The following HSF2BP variants were observed in gnomAD, a reference collection of about 807,000 sequenced individuals.
The protein encoded by HSF2BP is heat shock transcription factor 2 binding protein.
HSF2BP carries 35 observed loss-of-function variants against 35.0 expected under a neutral mutation model. The ratio of observed to expected loss-of-function variants is 1.00; its 90% CI spans 0.76 to 1.32. HSF2BP has a LOEUF of 1.32. HSF2BP is among the 40% of genes most tolerant of loss of function. The pLI, the probability that HSF2BP is intolerant of heterozygous loss-of-function variation, is 0.00. For synonymous variants in HSF2BP, 114 were observed against 117.4 expected, an observed-to-expected ratio of 0.97 and a Z score of 0.18; for missense variants, 326 against 321.7, an observed-to-expected ratio of 1.01 and a Z score of -0.10.
chr21:43,633,250 A>C, intron 5 of HSF2BP, 22 bp downstream of exon 5: 1 of 1,601,664 alleles, frequency 6.2e-7, no homozygotes, highest in Non-Finnish European at 8.5e-7. Flanking sequence ...CAATATCTGG[A>C]GAGCCCACTG....
intron 7 of HSF2BP, among the ~76,000 whole-genome samples, chr21:43,612,092 AC>A (rs2146911516): frequency 1.3e-5 from 2 of 152,308 alleles, no homozygotes; most frequent in African/African-American, 4.8e-5. Flanking sequence ...ACAGGACGAC[AC>A]ACTGAAACCA....
In HSF2BP at chr21:43,613,842, G is replaced by A. The variant is rs1282504311; in HGVS notation, c.680C>T (p.Thr227Ile). The A allele has an allele frequency of 5.0e-6, 8 of 1,610,380 alleles. No homozygotes were observed. The highest frequency in any genetic ancestry group is 6.8e-6 in the Non-Finnish European group (8 of 1,176,854). Residue 227 changes from threonine to isoleucine, a missense_variant, in exon 7 of 9, where the codon ACC (threonine) becomes ATC (isoleucine). Thr to Ile is a moderately conservative substitution (Grantham distance 89, BLOSUM62 -1). Coordinates refer to ENST00000291560, the MANE Select transcript of HSF2BP (RefSeq NM_007031.2). ...LLGDLKPGQCTKLKVLMLMSL... is the reference protein window; with the variant it reads ...LLGDLKPGQCIKLKVLMLMSL... ...TTATCCACCATACACTTTGAGTTTG[G>A]TACACTGTCCTGGCTTCAAGTCTCC...
At chr21:43,591,663 T>C (rs576971874) in intron 8 of HSF2BP, among the ~76,000 whole-genome samples, 5 of 152,364 alleles carry the variant, frequency 3.3e-5, no homozygotes, top group African/African-American at 1.2e-4. Flanking sequence ...AGGCCCCTCT[T>C]ATCCACAGTT....
In HSF2BP at chr21:43,658,083, C is replaced by T. The variant is rs548999626; in HGVS notation, c.14G>A (p.Gly5Asp). ...AACCCGGCAGGCCTCCTCAGCGGCG[C>T]CCGCTTCGCCCATGGCCGCTGCCGC... is the stretch of plus-strand genomic sequence containing the variant. MGEA[G>D]AAEEACRHMG... The change falls in exon 2 of 9, where the codon GGC (glycine) becomes GAC (aspartate). Residue 5 changes from glycine (G) to aspartate (D), a missense_variant. Physicochemically the swap from Gly to Asp is moderately conservative, Grantham distance 94. Coordinates refer to ENST00000291560, the MANE Select transcript of HSF2BP (RefSeq NM_007031.2). The T allele has an allele frequency of 4.6e-6, 7 of 1,535,256 alleles. No homozygotes were observed. The highest frequency in any genetic ancestry group is 1.8e-4 in the Middle Eastern group (1 of 5,560).
chr21:43,604,462 CAA>C (rs1240487512), intron 7 of HSF2BP, among the ~76,000 whole-genome samples: 2 of 135,006 alleles, frequency 1.5e-5, no homozygotes, highest in East Asian at 2.4e-4. Context: ...ACCACACACA[CAA>C]CACACAGCAC....
intron 4 of HSF2BP, among the ~76,000 whole-genome samples, chr21:43,638,420 T>G (rs2082593271): frequency 6.6e-6 from 1 of 152,174 alleles, no homozygotes; most frequent in Non-Finnish European, 1.5e-5. Context: ...ATCACACCAC[T>G]GCACTCCAGC....
chr21:43,610,391 C>G (rs1474098339), intron 7 of HSF2BP, among the ~76,000 whole-genome samples: 1 of 148,724 alleles, frequency 6.7e-6, no homozygotes, highest in African/African-American at 2.5e-5. Context: ...GAGTTTGAGA[C>G]AAGCCTGGGC....
At chr21:43,615,840 C>T (rs1278744346) in intron 6 of HSF2BP, among the ~76,000 whole-genome samples, 1 of 151,962 alleles carries the variant, frequency 6.6e-6, no homozygotes, top group Non-Finnish European at 1.5e-5. Flanking sequence ...CAGGGGAAAG[C>T]ATTATTCATG....
At chr21:43,656,479 C>T (rs2082869713) in intron 3 of HSF2BP, 108 bp downstream of exon 3, 1 of 1,048,444 alleles carries the variant, frequency 9.5e-7, no homozygotes, top group African/African-American at 1.6e-5. Flanking sequence ...AATATCATCA[C>T]AAGGACTGTA....
chr21:43,467,888 CCA>C, the HSF2BP span, among the ~76,000 whole-genome samples: 16 of 46,528 alleles, frequency 3.4e-4, no homozygotes, highest in Non-Finnish European at 6.9e-4. Flanking sequence ...ACCACACACA[CCA>C]CACACCACAC....
At chr21:43,596,225 C>T (rs2081985197) in intron 7 of HSF2BP, among the ~76,000 whole-genome samples, 1 of 152,108 alleles carries the variant, frequency 6.6e-6, no homozygotes, top group South Asian at 2.1e-4. Flanking sequence ...TGATCCACCA[C>T]ATAATTAAGT....
chr21:43,605,741 TCCCC>T (rs35449035), intron 7 of HSF2BP, among the ~76,000 whole-genome samples: 211 of 147,356 alleles, frequency 1.4e-3, no homozygotes, highest in Middle Eastern at 7.3e-3. Flanking sequence ...GACACCCACC[TCCCC>T]CCAACATATA....
chr21:43,638,494 AC>A (rs2082594497), intron 4 of HSF2BP, among the ~76,000 whole-genome samples: 1 of 152,174 alleles, frequency 6.6e-6, no homozygotes, highest in South Asian at 2.1e-4. Flanking sequence ...AAAAATGGAA[AC>A]CAAAATTAAA....
chr21:43,616,052 A>AATAT (rs1555868378), intron 6 of HSF2BP, among the ~76,000 whole-genome samples: 278 of 144,000 alleles, frequency 1.9e-3, no homozygotes, highest in African/African-American at 5.2e-3. Flanking sequence ...AAAAAAAAAA[A>AATAT]ATATATATAT....
the HSF2BP span, among the ~76,000 whole-genome samples, chr21:43,505,687 C>T: frequency 6.4e-3 from 681 of 105,764 alleles, 99 homozygotes; most frequent in Admixed American, 0.056. Flanking sequence ...AGAGCCACAT[C>T]CCGCTCAGGC....
chr21:43,506,871 C>T, the HSF2BP span, among the ~76,000 whole-genome samples: 2 of 126,040 alleles, frequency 1.6e-5, no homozygotes, highest in Non-Finnish European at 3.7e-5. Flanking sequence ...CTCCAGAAGA[C>T]CACGACTCAT....
At chr21:43,612,928 C>T (rs2082226817) in intron 7 of HSF2BP, among the ~76,000 whole-genome samples, 1 of 152,174 alleles carries the variant, frequency 6.6e-6, no homozygotes, top group South Asian at 2.1e-4. Context: ...ATCTCTGGGA[C>T]TATAAATTAT....
At chr21:43,585,508 T>C (rs1301686214) in intron 8 of HSF2BP, among the ~76,000 whole-genome samples, 1 of 151,626 alleles carries the variant, frequency 6.6e-6, no homozygotes, top group African/African-American at 2.4e-5. Context: ...TAGCTGGGCG[T>C]GGTGATGGGC....
In HSF2BP at chr21:43,633,337, C is replaced by T; in HGVS notation, c.376G>A (p.Ala126Thr). Residue 126 changes from alanine to threonine, a missense_variant, in exon 5 of 9, where the codon GCA becomes ACA. Ala to Thr is a moderately conservative substitution (Grantham distance 58, BLOSUM62 0). Coordinates refer to ENST00000291560, the MANE Select transcript of HSF2BP (RefSeq NM_007031.2). ...ACACCCCACAAGAGGGTACACGCTG[C>T]TGCTCCCATTTCTGTACAATACTCT... ...QAEYCTEMGA[A>T]ACTLLWGVSS... 1.9e-6 allele frequency: 3 copies of T among 1,614,190 alleles called. No homozygotes were observed. In the South Asian group the frequency reaches 3.3e-5, roughly 18 times the overall value.
Sources: allele counts gnomAD v4.1 joint callset (sites outside exome capture counted in the v4.1 genomes callset), GRCh38; gene constraint gnomAD v4.1.1; transcripts MANE v1.5; gene names NCBI Gene and HGNC (gene_info 2026-07-23, HGNC 2026-07-21).